P4HA1: variants seen among roughly 807,000 people sequenced by gnomAD.
P4HA1 encodes prolyl 4-hydroxylase subunit alpha 1.
Under a neutral mutation model 72.8 loss-of-function variants are expected in P4HA1, and 24 were observed. The observed-to-expected ratio is 0.33, with a 90% CI of 0.24 to 0.46. P4HA1 has a LOEUF of 0.46. Ranked by LOEUF, P4HA1 falls within the 20% of genes least tolerant of loss-of-function variation. P4HA1 has a pLI of 1.00. For synonymous variants in P4HA1, 201 were observed against 218.8 expected, an observed-to-expected ratio of 0.92 and a Z score of 0.72; for missense variants, 446 against 640.6, an observed-to-expected ratio of 0.70 and a Z score of 3.28.
intron 11 of P4HA1, among the ~76,000 whole-genome samples, chr10:73,014,654 G>A (rs367635928): frequency 1.3e-5 from 2 of 152,024 alleles, no homozygotes; most frequent in South Asian, 2.1e-4. Context: ...TAGCCTAAAC[G>A]ACAGCCATTA....
chr10:73,028,656 A>G (rs1409047124), intron 10 of P4HA1, among the ~76,000 whole-genome samples: 1 of 151,422 alleles, frequency 6.6e-6, no homozygotes, highest in Non-Finnish European at 1.5e-5. Flanking sequence ...GCTGGTCTCG[A>G]ACTCCTGACT....
chr10:73,020,165 A>G (rs931565612), intron 10 of P4HA1, among the ~76,000 whole-genome samples: 1 of 152,044 alleles, frequency 6.6e-6, no homozygotes, highest in Non-Finnish European at 1.5e-5. Context: ...CTAGATTAAC[A>G]AAGAAAAAAG....
intron 9 of P4HA1, among the ~76,000 whole-genome samples, chr10:73,043,317 G>A (rs1490811527): frequency 6.6e-6 from 1 of 152,110 alleles, no homozygotes; most frequent in African/African-American, 2.4e-5. Context: ...CATGAGAGCC[G>A]AGAAACCTTC....
chr10:73,019,654 TGGGAGGCGGA>T (rs1840088123), intron 10 of P4HA1, among the ~76,000 whole-genome samples: 1 of 137,386 alleles, frequency 7.3e-6, no homozygotes, highest in Non-Finnish European at 1.5e-5. Flanking sequence ...CGCTTGAACC[TGGGAGGCGGA>T]GGTTGCAGTG....
intron 1 of P4HA1, among the ~76,000 whole-genome samples, chr10:73,076,762 T>C (rs1430915614): frequency 6.6e-6 from 1 of 152,168 alleles, no homozygotes; most frequent in African/African-American, 2.4e-5. Flanking sequence ...CATTACAGTA[T>C]AGTTTGCCCC....
chr10:73,090,876 G>C (rs374246161), intron 1 of P4HA1, among the ~76,000 whole-genome samples: 1 of 151,746 alleles, frequency 6.6e-6, no homozygotes, highest in Non-Finnish European at 1.5e-5. Context: ...GCCCGGCCAA[G>C]ATGGTGACAC....
At position 73,007,773 on chromosome 10, in the gene P4HA1, C is replaced by T. The variant is rs1839825013; in HGVS notation, c.*449G>A. On this transcript the variant is annotated 3_prime_UTR_variant, in exon 15 of 15. Coordinates refer to ENST00000394890, the MANE Select transcript of P4HA1 (RefSeq NM_001017962.3). ...ACCCAGTTAGTGTCCTAGTTTATTA[C>T]TAGTCTTCAGATCCAGAAAACAGAG... The T allele has an allele frequency of 6.5e-6, 1 of 153,132 alleles. No individual in the cohort carries two copies. Among genetic ancestry groups the T allele is most frequent in the Non-Finnish European group, 1.5e-5 (1 of 68,782 alleles). 9.5% of individuals were successfully genotyped at this position (153,132 alleles called of 1,614,324 possible).
intron 3 of P4HA1, among the ~76,000 whole-genome samples, chr10:73,072,455 T>G (rs1189132041): frequency 6.6e-6 from 1 of 152,138 alleles, no homozygotes; most frequent in Non-Finnish European, 1.5e-5. Flanking sequence ...TGTGAATGAA[T>G]CCCTCCAGTA....
At chr10:73,008,326 C>T in intron 14 of P4HA1, 34 bp from the exon 15 acceptor site, 1 of 1,294,130 alleles carries the variant, frequency 7.7e-7, no homozygotes, top group Non-Finnish European at 1.1e-6. Context: ...AATTTTCCCC[C>T]TTAATCTAAT....
chr10:73,018,473 A>G (rs1279993852), intron 10 of P4HA1, among the ~76,000 whole-genome samples: 1 of 152,092 alleles, frequency 6.6e-6, no homozygotes, highest in Non-Finnish European at 1.5e-5. Context: ...GAGTGAAGTC[A>G]TTGCTGTGCT....
chr10:73,030,811 T>C (rs946397147), intron 9 of P4HA1, among the ~76,000 whole-genome samples: 9 of 152,176 alleles, frequency 5.9e-5, no homozygotes, highest in Non-Finnish European at 1.5e-5. Context: ...AAATTCTGCT[T>C]ACTGCTTAAG....
chr10:73,072,179 A>G lies in P4HA1; in HGVS notation c.175T>C (p.Trp59Arg). The G allele has an allele frequency of 6.2e-7, 1 of 1,609,182 alleles. No homozygotes were observed. The highest frequency in any genetic ancestry group is 1.7e-4 in the Middle Eastern group (1 of 6,036). ...GTTAGCCGATCTAACTTCTCTGCCC[A>G]TCTACAGATGTAAAACATAAAAACT... ...EEDKLEQIKK[W>R]AEKLDRLTST... The change falls in exon 4 of 15, where the codon TGG becomes CGG. Residue 59 changes from tryptophan to arginine, a missense_variant and splice_region_variant. Trp to Arg is a moderately radical substitution (Grantham distance 101). Coordinates refer to ENST00000394890, the MANE Select transcript of P4HA1 (RefSeq NM_001017962.3).
intron 10 of P4HA1, among the ~76,000 whole-genome samples, chr10:73,023,720 A>G (rs1840191932): frequency 6.6e-6 from 1 of 151,392 alleles, no homozygotes; most frequent in South Asian, 2.1e-4. Flanking sequence ...TAAAGAGTCA[A>G]GACCCATCAG....
At chr10:73,030,575 G>A (rs943068209) in intron 9 of P4HA1, among the ~76,000 whole-genome samples, 5 of 151,904 alleles carry the variant, frequency 3.3e-5, no homozygotes, top group African/African-American at 4.8e-5. Context: ...TAGAGGTTGG[G>A]AAGGAAAAAA....
intron 10 of P4HA1, among the ~76,000 whole-genome samples, chr10:73,020,211 C>T (rs1418434763): frequency 1.3e-5 from 2 of 151,964 alleles, no homozygotes; most frequent in African/African-American, 4.8e-5. Flanking sequence ...ACAAAGGTGA[C>T]ATTACAACTG....
At chr10:73,067,718 A>G (rs1187369458) in intron 5 of P4HA1, among the ~76,000 whole-genome samples, 2 of 152,026 alleles carry the variant, frequency 1.3e-5, no homozygotes, top group African/African-American at 4.8e-5. Flanking sequence ...TTCCTGGTCC[A>G]TTAGATCTCA....
At chr10:73,027,854 A>AGGGGAGGGAGGGAGAGAGGG (rs1840325430) in intron 10 of P4HA1, among the ~76,000 whole-genome samples, 1 of 58,444 alleles carries the variant, frequency 1.7e-5, no homozygotes, top group Non-Finnish European at 3.1e-5. Flanking sequence ...GGGAGAGAGG[A>AGGGGAGGGAGGGAGAGAGGG]GGGGAGGGAG....
intron 5 of P4HA1, among the ~76,000 whole-genome samples, chr10:73,062,767 G>A (rs1270718874): frequency 6.6e-6 from 1 of 152,170 alleles, no homozygotes; most frequent in African/African-American, 2.4e-5. Context: ...AGGCATTTAT[G>A]AGAAATAAAT....
chr10:73,013,251 G>C (rs1379451778), intron 12 of P4HA1, among the ~76,000 whole-genome samples: 1 of 152,212 alleles, frequency 6.6e-6, no homozygotes, highest in Non-Finnish European at 1.5e-5. Context: ...TCTCCTTGAA[G>C]CTGGGCAGAC....
Sources: gnomAD v4.1 joint callset for allele counts (sites outside exome capture counted in the v4.1 genomes callset) on GRCh38, gnomAD v4.1.1 for gene constraint, MANE v1.5 for transcripts, NCBI Gene and HGNC (gene_info 2026-07-23, HGNC 2026-07-21) for gene names.